Variants in UHMK1 observed in about 807,000 individuals in gnomAD.
The protein encoded by UHMK1 is serine/threonine-protein kinase Kist.
In UHMK1, 18 loss-of-function variants were observed where a neutral mutation model predicts 44.0. That is an observed-to-expected ratio of 0.41 (90% CI 0.28 to 0.61). The LOEUF (loss-of-function observed/expected upper bound fraction) is 0.61, where lower values mean the gene tolerates loss of function less well. UHMK1 is among the 20% of genes least tolerant of loss of function. The pLI is 0.31. For synonymous variants in UHMK1, 231 were observed against 198.5 expected, an observed-to-expected ratio of 1.16 and a Z score of -1.38; for missense variants, 463 against 522.5, an observed-to-expected ratio of 0.89 and a Z score of 1.11.
Position 162,529,467 on chromosome 1 carries a change from A to C in UHMK1, c.*6917A>C, listed in dbSNP as rs187856862. On this transcript the variant is annotated 3_prime_UTR_variant, in exon 8 of 8. Coordinates refer to ENST00000489294, the MANE Select transcript of UHMK1 (RefSeq NM_175866.5). ...AATGCGTTTCAGTTGACTGTATTGC[A>C]TACTTTTTTGCTGAAGACTTTTTCT... The C allele has an allele frequency of 7.2e-5, 11 of 152,276 alleles. No individual in the cohort carries two copies. In the East Asian group the frequency reaches 2.1e-3, roughly 29 times the overall value. The allele number at this position is 152,276 out of a possible 1,614,324, so 9.4% of individuals were successfully genotyped here.
In UHMK1 at chr1:162,527,830, A is replaced by G. The variant is rs1448166354; in HGVS notation, c.*5280A>G. 7 of 151,958 alleles carry G rather than the reference A, an allele frequency of 4.6e-5. No homozygotes were observed. The highest frequency in any genetic ancestry group is 7.4e-5 in the Non-Finnish European group (5 of 67,928). 9.4% of individuals were successfully genotyped at this position (151,958 alleles called of 1,614,324 possible). A position where few individuals can be genotyped will look rare whatever the true frequency, so the allele number is the denominator to read the frequency against. On this transcript the variant is annotated 3_prime_UTR_variant, in exon 8 of 8. Transcript: ENST00000489294. ...ATTCTACTTATTTGTCTTATAAACC[A>G]TTAATCGTTTTTTGTGCAGAAGAGA...
intron 4 of UHMK1, among the ~76,000 whole-genome samples, chr1:162,504,051 A>T (rs1651378316): frequency 6.6e-6 from 1 of 152,090 alleles, no homozygotes; most frequent in African/African-American, 2.4e-5. Context: ...CTGCCTTTTC[A>T]CTGGAAGATA....
At chr1:162,517,979 A>G (rs1651897668) in intron 6 of UHMK1, 123 bp from the exon 7 acceptor site, 1 of 625,232 alleles carries the variant, frequency 1.6e-6, no homozygotes, top group Admixed American at 2.8e-5. Flanking sequence ...CAACTATTCA[A>G]GACATAAAAT....
At chr1:162,497,299 A>AT (rs759362389), upstream of UHMK1, 6 of 702,668 alleles carry the variant, frequency 8.5e-6, no homozygotes, top group South Asian at 7.4e-5. Context: ...CCGGAGAGGT[A>AT]TGAGGCTAGT....
At chr1:162,517,273 T>C (rs550512183) in intron 6 of UHMK1, among the ~76,000 whole-genome samples, 9 of 152,116 alleles carry the variant, frequency 5.9e-5, no homozygotes, top group Non-Finnish European at 1.2e-4. Flanking sequence ...CACTCCAGCC[T>C]GGGAACAGAG....
At chr1:162,507,238 G>A (rs1651500219) in intron 4 of UHMK1, among the ~76,000 whole-genome samples, 1 of 151,650 alleles carries the variant, frequency 6.6e-6, no homozygotes, top group African/African-American at 2.4e-5. Flanking sequence ...TCCCACATCA[G>A]CCTCCCAAGT....
rs1379356614 is a variant in UHMK1 at position 162,503,828 on chromosome 1, C to T, written c.828C>T (p.His276=). 6.2e-7 allele frequency: 1 copy of T among 1,614,042 alleles called. No homozygotes were observed. Among genetic ancestry groups the T allele is most frequent in the East Asian group, 2.2e-5 (1 of 44,870 alleles). The stretch of plus-strand genomic sequence containing the variant: ...TGAATGCCGCAATTCCAGCCTATCA[C>T]CTAAGAGACCTTATCAAAAGGTATG... The part of the protein sequence containing the change: ...AVVNAAIPAY[H]LRDLIKSMLH... Residue 276 remains histidine, a synonymous_variant, in exon 4 of 8, where the codon CAC becomes CAT. Transcript: ENST00000489294.
chr1:162,498,280 T>C lies in UHMK1; in HGVS notation c.268+12T>C, dbSNP rs770507990. On this transcript the variant is annotated intron_variant, in intron 1 of 7. Transcript: ENST00000489294. ...TCACAGAAACATCGGTAATTGCCGC[T>C]GTCTCCTTTCTCTTCTTGCCCAGGT... 9.5e-6 allele frequency: 15 copies of C among 1,573,106 alleles called. No individual in the cohort carries two copies. Among genetic ancestry groups the C allele is most frequent in the Non-Finnish European group, 1.3e-5 (15 of 1,155,246 alleles).
chr1:162,501,238 C>T (rs1322266262), intron 3 of UHMK1, 134 bp downstream of exon 3: 1 of 822,242 alleles, frequency 1.2e-6, no homozygotes, highest in Non-Finnish European at 1.8e-6. Context: ...GGCGCAATCT[C>T]AGCTCACTGC....
Position 162,497,845 on chromosome 1 carries a change from T to C in UHMK1, c.-156T>C. 4.4e-6 allele frequency: 6 copies of C among 1,351,066 alleles called. No homozygotes were observed. Among genetic ancestry groups the C allele is most frequent in the Non-Finnish European group, 5.7e-6 (6 of 1,055,528 alleles). 83.7% of individuals were successfully genotyped at this position (1,351,066 alleles called of 1,614,324 possible). ...GACTCGGGTGCACCACGGCTTCCGG[T>C]GTCATGGCTGCTTGAAGTCCCGGGA... is the stretch of plus-strand genomic sequence containing the variant. On this transcript the variant is annotated 5_prime_UTR_variant, in exon 1 of 8. Transcript: ENST00000489294.
In UHMK1 at chr1:162,512,565, G is replaced by A. The variant is rs1571013313; in HGVS notation, c.914G>A (p.Ser305Asn). 1.9e-6 allele frequency: 3 copies of A among 1,612,628 alleles called. No homozygotes were observed. Among genetic ancestry groups the A allele is most frequent in the Non-Finnish European group, 2.5e-6 (3 of 1,179,668 alleles). The change falls in exon 5 of 8, where the codon AGC becomes AAC. Residue 305 changes from serine to asparagine, a missense_variant. Coordinates refer to ENST00000489294, the MANE Select transcript of UHMK1 (RefSeq NM_175866.5). ...ATGGCATTGTGCAGCCCATTCTTTAGCATTCCTTTTGGTAAGTTGTGTATT... is the reference window on the plus strand; with the variant it reads ...ATGGCATTGTGCAGCCCATTCTTTAACATTCCTTTTGGTAAGTTGTGTATT... The part of the protein sequence containing the change: ...AEMALCSPFF[S>N]IPFAPHIEDL...
chr1:162,505,791 G>A (rs537661155), intron 4 of UHMK1, among the ~76,000 whole-genome samples: 29 of 152,276 alleles, frequency 1.9e-4, no homozygotes, highest in South Asian at 1.7e-3. Flanking sequence ...AGTTAGAGTA[G>A]TATAGTTTCC....
chr1:162,503,925 G>A, intron 4 of UHMK1, 77 bp downstream of exon 4: 1 of 1,056,512 alleles, frequency 9.5e-7, no homozygotes, highest in South Asian at 1.5e-5. Flanking sequence ...TCTCTGAACA[G>A]ATTTATATTA....
At position 162,525,290 on chromosome 1, in the gene UHMK1, A is replaced by G. The variant is rs1322839776; in HGVS notation, c.*2740A>G. On this transcript the variant is annotated 3_prime_UTR_variant, in exon 8 of 8. Coordinates refer to ENST00000489294, the MANE Select transcript of UHMK1 (RefSeq NM_175866.5). ...TTATTGAAGTTATTGAAAGACCTAG[A>G]AATTTTCTTTTTGAGAGAAAGGGTA... The G allele has an allele frequency of 1.3e-5, 2 of 152,162 alleles. No homozygotes were observed. Among genetic ancestry groups the G allele is most frequent in the Non-Finnish European group, 2.9e-5 (2 of 68,030 alleles). 9.4% of individuals were successfully genotyped at this position (152,162 alleles called of 1,614,324 possible). A position where few individuals can be genotyped will look rare whatever the true frequency, so the allele number is the denominator to read the frequency against.
At chr1:162,497,726 C>G, upstream of UHMK1, 3 of 1,161,586 alleles carry the variant, frequency 2.6e-6, no homozygotes, top group Non-Finnish European at 2.2e-6. Flanking sequence ...TTTTTCCAAA[C>G]CTAGCGCGTC....
chr1:162,504,785 C>T (rs1298956793), intron 4 of UHMK1, among the ~76,000 whole-genome samples: 1 of 151,782 alleles, frequency 6.6e-6, no homozygotes, highest in African/African-American at 2.4e-5. Context: ...ATTTTTTCTC[C>T]TTTTTTTGAG....
intron 2 of UHMK1, 122 bp from the exon 3 acceptor site, chr1:162,500,791 A>C: frequency 1.0e-6 from 1 of 965,566 alleles, no homozygotes; most frequent in Non-Finnish European, 1.5e-6. Flanking sequence ...AAGGACTAAA[A>C]ATTTTTAGCA....
Position 162,529,382 on chromosome 1 carries a change from C to A in UHMK1, c.*6832C>A, listed in dbSNP as rs1652365716. On this transcript the variant is annotated 3_prime_UTR_variant, in exon 8 of 8. Coordinates refer to ENST00000489294, the MANE Select transcript of UHMK1 (RefSeq NM_175866.5). ...TCCATTCAAGTCTTTTAAACTCTTT[C>A]CTGCTGAATAGCAAAGAACTTTTAT... is the stretch of plus-strand genomic sequence containing the variant. 6.6e-6 allele frequency: 1 copy of A among 152,160 alleles called. No individual in the cohort carries two copies. Among genetic ancestry groups the A allele is most frequent in the African/African-American group, 2.4e-5 (1 of 41,458 alleles). 9.4% of individuals were successfully genotyped at this position (152,160 alleles called of 1,614,324 possible).
chr1:162,507,576 T>G (rs1440237334), intron 4 of UHMK1, among the ~76,000 whole-genome samples: 2 of 135,518 alleles, frequency 1.5e-5, no homozygotes, highest in African/African-American at 2.7e-5. Flanking sequence ...CCCAACCCAT[T>G]CTTTCTTTTT....
Sources: allele counts gnomAD v4.1 joint callset (sites outside exome capture counted in the v4.1 genomes callset), GRCh38; gene constraint gnomAD v4.1.1; transcripts MANE v1.5; gene names NCBI Gene and HGNC (gene_info 2026-07-23, HGNC 2026-07-21).